Variants in HDAC5 observed in about 807,000 individuals in gnomAD.
HDAC5 encodes the protein histone deacetylase 5.
HDAC5 carries 25 observed loss-of-function variants against 133.3 expected under a neutral mutation model. That is an observed-to-expected ratio of 0.19 (90% CI 0.14 to 0.26). The LOEUF is 0.26. Ranked by LOEUF, HDAC5 falls within the 10% of genes least tolerant of loss-of-function variation. The pLI is 1.00. For synonymous variants in HDAC5, 589 were observed against 610.8 expected (o/e 0.96, Z 0.53); for missense variants, 1,041 against 1,460.5 (o/e 0.71, Z 4.68).
chr17:44,112,736 T>TA (rs2052419892), intron 2 of HDAC5, among the ~76,000 whole-genome samples: 1 of 152,162 alleles, frequency 6.6e-6, no homozygotes. Flanking sequence ...ACCACACCTA[T>TA]AGGCAGAGGC....
rs575447299 is a variant in HDAC5 at position 44,090,267 on chromosome 17, C to A, written c.1387+1003G>T. 3.3e-5 allele frequency among the ~76,000 whole-genome samples: 5 copies of A among 152,002 alleles called. 1 individual carries two copies. In the South Asian group the frequency reaches 1.0e-3, roughly 32 times the overall value. ...ACCAGCCTGGGTAACATAGCAAGATCCTGTCTCTACAAAAATTAAAAAATA... is the reference window on the plus strand; with the variant it reads ...ACCAGCCTGGGTAACATAGCAAGATACTGTCTCTACAAAAATTAAAAAATA... On this transcript the variant is annotated intron_variant, in intron 11 of 26. Transcript: ENST00000682912.
At chr17:44,123,261 G>A (rs1212560573) in intron 1 of HDAC5, 4 of 304,272 alleles carry the variant, frequency 1.3e-5, no homozygotes, top group African/African-American at 8.8e-5. Context: ...TACCTGTAGG[G>A]AAGGCGCCCC....
rs1315890293 is a variant in HDAC5 at position 44,083,670 on chromosome 17, A to G, written c.2356-18T>C. On this transcript the variant is annotated intron_variant, in intron 17 of 26. Coordinates refer to ENST00000682912, the MANE Select transcript of HDAC5 (RefSeq NM_005474.5). ...CTGTCCACCTGCAGGGCAGGAGAGC[A>G]GGTTTCAGTGTGCCCCCTGCAGGGC... 1.9e-6 allele frequency: 3 copies of G among 1,607,730 alleles called. No individual in the cohort carries two copies. The highest frequency in any genetic ancestry group is 1.1e-5 in the South Asian group (1 of 90,956).
intron 11 of HDAC5, among the ~76,000 whole-genome samples, chr17:44,089,284 C>T (rs201856341): frequency 1.1e-4 from 17 of 152,170 alleles, no homozygotes; most frequent in Admixed American, 3.3e-4. Context: ...GAGTCCAAGG[C>T]AGGGGGATGG....
intron 1 of HDAC5, among the ~76,000 whole-genome samples, chr17:44,121,521 G>A (rs1157663801): frequency 6.7e-6 from 1 of 149,236 alleles, no homozygotes; most frequent in Non-Finnish European, 1.5e-5. Context: ...CTCCTCAAAG[G>A]GATGTGAGTA....
At position 44,078,201 on chromosome 17, in the gene HDAC5, C is replaced by T. The variant is rs964656259; in HGVS notation, c.*175G>A. On this transcript the variant is annotated 3_prime_UTR_variant, in exon 27 of 27. Coordinates refer to ENST00000682912, the MANE Select transcript of HDAC5 (RefSeq NM_005474.5). Reference sequence around the variant, plus strand: ...CACCCCCTGCAGAGGGAGCAGGCTTCTAGAGCTGAGGTGGAAGCCACAGGG... The same window carrying T: ...CACCCCCTGCAGAGGGAGCAGGCTTTTAGAGCTGAGGTGGAAGCCACAGGG... The T allele has an allele frequency of 1.7e-6, 1 of 584,644 alleles. No homozygotes were observed. Among genetic ancestry groups the T allele is most frequent in the Non-Finnish European group, 2.8e-6 (1 of 351,148 alleles). The allele number at this position is 584,644 out of a possible 1,614,324, so 36.2% of individuals were successfully genotyped here.
chr17:44,097,201 C>A (rs958711363), intron 3 of HDAC5, among the ~76,000 whole-genome samples: 12 of 152,252 alleles, frequency 7.9e-5, no homozygotes, highest in African/African-American at 2.9e-4. Context: ...CCATGCCACC[C>A]ACATGCCTGG....
intron 2 of HDAC5, among the ~76,000 whole-genome samples, chr17:44,111,923 C>T (rs1051082266): frequency 2.6e-5 from 4 of 152,178 alleles, no homozygotes; most frequent in Non-Finnish European, 4.4e-5. Context: ...TCTCAGAGCA[C>T]AGGTAGCTCC....
At chr17:44,109,590 A>G (rs189029597) in intron 3 of HDAC5, among the ~76,000 whole-genome samples, 7 of 152,344 alleles carry the variant, frequency 4.6e-5, no homozygotes, top group African/African-American at 1.7e-4. Context: ...TGGGCAGATG[A>G]TAAGCCATGT....
Position 44,088,429 on chromosome 17 carries a change from C to T in HDAC5, c.1557G>A (p.Gln519=), listed in dbSNP as rs1188497987. The change falls in exon 12 of 27, where the codon CAG becomes CAA. Residue 519 remains glutamine, a synonymous_variant. Transcript: ENST00000682912. ...GCTGCTGCTTCTGCTTCTCCAGGAA[C>T]TGCTGGTGCTGTTGTTGCATGACCA... ...QQLVMQQQHQ[Q]FLEKQKQQQL... 1 of 1,578,412 alleles carries T rather than the reference C, an allele frequency of 6.3e-7. No individual in the cohort carries two copies. Among genetic ancestry groups the T allele is most frequent in the African/African-American group, 1.3e-5 (1 of 74,156 alleles).
intron 22 of HDAC5, 80 bp downstream of exon 22, chr17:44,080,321 G>A: frequency 6.5e-7 from 1 of 1,547,536 alleles, no homozygotes; most frequent in Non-Finnish European, 8.9e-7. Flanking sequence ...TACCCACACT[G>A]AACTGAGTGC....
intron 14 of HDAC5, 104 bp from the exon 15 acceptor site, chr17:44,085,259 A>C: frequency 8.2e-7 from 1 of 1,223,542 alleles, no homozygotes; most frequent in Non-Finnish European, 1.1e-6. Flanking sequence ...TCCAACCCCC[A>C]GGTCCAAACA....
intron 3 of HDAC5, among the ~76,000 whole-genome samples, chr17:44,100,816 G>A (rs2051557581): frequency 6.7e-6 from 1 of 149,892 alleles, no homozygotes; most frequent in Middle Eastern, 3.2e-3. Context: ...TGGAGACGGA[G>A]TCTCGCTCTG....
At chr17:44,110,827 T>C (rs758188152) in intron 2 of HDAC5, 27 bp from the exon 3 acceptor site, 11 of 1,593,474 alleles carry the variant, frequency 6.9e-6, no homozygotes, top group East Asian at 4.5e-5. Context: ...TTCTGTCTCA[T>C]AGATGGTCTG....
intron 1 of HDAC5, 90 bp downstream of exon 1, chr17:44,123,414 C>T: frequency 8.5e-6 from 3 of 352,232 alleles, no homozygotes; most frequent in Non-Finnish European, 1.5e-5. Flanking sequence ...GCGCTGGGAG[C>T]CCGCGGACAG....
In HDAC5 at chr17:44,123,563, G is replaced by A; in HGVS notation, c.-249C>T. 5.0e-6 allele frequency: 2 copies of A among 402,394 alleles called. No homozygotes were observed. Among genetic ancestry groups the A allele is most frequent in the East Asian group, 3.5e-5 (1 of 28,170 alleles). The allele number at this position is 402,394 out of a possible 1,614,324, so 24.9% of individuals were successfully genotyped here. A position where few individuals can be genotyped will look rare whatever the true frequency, so the allele number is the denominator to read the frequency against. ...GGCGGCAGCAGCGGCGGCGGCAGCGGCGGCAGCACCTCCTCGACGGCTCCT... is the reference window on the plus strand; with the variant it reads ...GGCGGCAGCAGCGGCGGCGGCAGCGACGGCAGCACCTCCTCGACGGCTCCT... On this transcript the variant is annotated 5_prime_UTR_variant, in exon 1 of 27. Transcript: ENST00000682912.
At chr17:44,108,583 T>C (rs2052117459) in intron 3 of HDAC5, among the ~76,000 whole-genome samples, 2 of 151,608 alleles carry the variant, frequency 1.3e-5, no homozygotes, top group African/African-American at 2.4e-5. Flanking sequence ...TTTTCAGCCA[T>C]AGGATCTTGC....
rs753266202 is a variant in HDAC5 at position 44,117,529 on chromosome 17, C to T, written c.-14G>A. ...GGGAGAGTTCATGCCGGCTCTGGGC[C>T]TGCAGGAAGCTGGCGTTGGGGGCTG... On this transcript the variant is annotated 5_prime_UTR_variant, in exon 2 of 27. Transcript: ENST00000682912. The surrounding 1 kb of genome is among the most constrained non-coding windows in gnomAD (Gnocchi z 4.2). 1 of 1,613,814 alleles carries T rather than the reference C, an allele frequency of 6.2e-7. No homozygotes were observed. Among genetic ancestry groups the T allele is most frequent in the Non-Finnish European group, 8.5e-7 (1 of 1,180,034 alleles).
intron 3 of HDAC5, among the ~76,000 whole-genome samples, chr17:44,096,925 T>C (rs1015405735): frequency 2.0e-5 from 3 of 152,076 alleles, no homozygotes; most frequent in African/African-American, 7.2e-5. Context: ...TTTCACCATG[T>C]AGGTCAGGCT....
Sources: allele counts gnomAD v4.1 joint callset (sites outside exome capture counted in the v4.1 genomes callset), GRCh38; gene constraint gnomAD v4.1.1; non-coding constraint Gnocchi (gnomAD v3.1); transcripts MANE v1.5; gene names NCBI Gene and HGNC (gene_info 2026-07-23, HGNC 2026-07-21).